The following SCN3B variants were observed in gnomAD, a reference collection of about 807,000 sequenced individuals.
The protein encoded by SCN3B is sodium voltage-gated channel beta subunit 3.
A neutral mutation model predicts 25.4 loss-of-function variants in SCN3B; 11 were observed. That is an observed-to-expected ratio of 0.43 (90% CI 0.27 to 0.72). The LOEUF (loss-of-function observed/expected upper bound fraction) is 0.72, where lower values mean the gene tolerates loss of function less well. Among genes scored for constraint, SCN3B ranks in the 30% least tolerant of loss-of-function variants. The probability of loss-of-function intolerance (pLI) is 0.18; values close to 1 mark genes in which losing one functional copy is unlikely to be tolerated. For missense variants in SCN3B, 218 were observed against 278.3 expected (o/e 0.78, Z 1.54); for synonymous variants, 109 against 110.7 (o/e 0.99, Z 0.09).
At chr11:123,653,607 C>T in intron 2 of SCN3B, 140 bp downstream of exon 2, 2 of 959,254 alleles carry the variant, frequency 2.1e-6, no homozygotes, top group Non-Finnish European at 3.4e-6. Context: ...CATGGAACCC[C>T]TGCCATCTCC....
At chr11:123,634,005 G>T in intron 6 of SCN3B, 116 bp downstream of exon 6, 1 of 780,164 alleles carries the variant, frequency 1.3e-6, no homozygotes. Context: ...ACCCCAGGCA[G>T]GGTAGACAGT....
In SCN3B at chr11:123,654,140, G is replaced by C. The variant is rs111341342; in HGVS notation, c.-26+86C>G. 6.8e-4 allele frequency: 305 copies of C among 448,680 alleles called. 2 individuals are homozygous for C. The highest frequency in any genetic ancestry group is 5.2e-3 in the African/African-American group (264 of 50,334). 27.8% of individuals were successfully genotyped at this position (448,680 alleles called of 1,614,324 possible). A position where few individuals can be genotyped will look rare whatever the true frequency, so the allele number is the denominator to read the frequency against. ...TTCCACTCGCGCCCCTGCCTCGCTC[G>C]TTTGCGCCCAGGGTAAGCTCAGCTC... On this transcript the variant is annotated intron_variant, in intron 1 of 6. Coordinates refer to ENST00000299333, the MANE Select transcript of SCN3B (RefSeq NM_001040151.2).
Position 123,642,387 on chromosome 11 carries a change from C to A in SCN3B, c.445+59G>T. ...GCCTCACTCGTGGAAAACTGCTGTC[C>A]TACCCTTCCCTGTCCACAGAGAGCA... On this transcript the variant is annotated intron_variant, in intron 4 of 6. Transcript: ENST00000299333. The surrounding 1 kb of genome is among the most constrained non-coding windows in gnomAD (Gnocchi z 4.3). 6.5e-7 allele frequency: 1 copy of A among 1,547,762 alleles called. No homozygotes were observed. Among genetic ancestry groups the A allele is most frequent in the Non-Finnish European group, 8.9e-7 (1 of 1,120,170 alleles).
Position 123,642,847 on chromosome 11 carries a change from G to T in SCN3B, c.220-176C>A, listed in dbSNP as rs1195087377. Among the ~76,000 whole-genome samples, 7 of 152,090 alleles carry T rather than the reference G, an allele frequency of 4.6e-5. No individual in the cohort carries two copies. The highest frequency in any genetic ancestry group is 2.9e-5 in the Non-Finnish European group (2 of 68,004). On this transcript the variant is annotated intron_variant, in intron 3 of 6. Coordinates refer to ENST00000299333, the MANE Select transcript of SCN3B (RefSeq NM_001040151.2). The surrounding 1 kb of genome is among the most constrained non-coding windows in gnomAD (Gnocchi z 4.3). Reference sequence around the variant, plus strand: ...GGTGGGATGAAGAGGCACAGAGGAGGGTAGGGAAGGGAGCAAAGACAGGGA... The same window carrying T: ...GGTGGGATGAAGAGGCACAGAGGAGTGTAGGGAAGGGAGCAAAGACAGGGA...
In SCN3B at chr11:123,631,135, G is replaced by T. The variant is rs531670105; in HGVS notation, c.*2664C>A. The T allele has an allele frequency of 6.6e-6, 1 of 152,314 alleles. No individual in the cohort carries two copies. The highest frequency in any genetic ancestry group is 2.4e-5 in the African/African-American group (1 of 41,566). The allele number at this position is 152,314 out of a possible 1,614,324, so 9.4% of individuals were successfully genotyped here. A position where few individuals can be genotyped will look rare whatever the true frequency, so the allele number is the denominator to read the frequency against. On this transcript the variant is annotated 3_prime_UTR_variant, in exon 7 of 7. Coordinates refer to ENST00000299333, the MANE Select transcript of SCN3B (RefSeq NM_001040151.2). ...AGAATGGAGAAGTTAGAAAAAGGAA[G>T]AGTGGGGAAGATAACCTGTCAAGGA...
intron 5 of SCN3B, among the ~76,000 whole-genome samples, chr11:123,637,071 G>T (rs1214394366): frequency 6.6e-6 from 1 of 152,190 alleles, no homozygotes; most frequent in Non-Finnish European, 1.5e-5. Context: ...AATGTTGCTA[G>T]AAATCTGTGG....
intron 2 of SCN3B, among the ~76,000 whole-genome samples, chr11:123,651,560 C>T (rs1201349368): frequency 2.6e-5 from 4 of 152,118 alleles, no homozygotes; most frequent in Non-Finnish European, 4.4e-5. Flanking sequence ...GATGGGGTTT[C>T]GCCGTGTTGG....
Position 123,642,597 on chromosome 11 carries a change from C to T in SCN3B, c.294G>A (p.Lys98=). ...FQGRLQWNGS[K]DLQDVSITVL... is the part of the protein sequence containing the mutation. ...CAGTGATGGACACGTCCTGCAGGTC[C>T]TTGCTGCCATTCCACTGCAGGCGCC... is the stretch of plus-strand genomic sequence containing the variant. The change falls in exon 4 of 7, where the codon AAG becomes AAA. Residue 98 remains lysine, a synonymous_variant. Coordinates refer to ENST00000299333, the MANE Select transcript of SCN3B (RefSeq NM_001040151.2). This position sits in a 1 kb window ranked among gnomAD's most constrained non-coding sequence, Gnocchi z 4.3. The T allele has an allele frequency of 6.2e-7, 1 of 1,614,208 alleles. No homozygotes were observed. Among genetic ancestry groups the T allele is most frequent in the Non-Finnish European group, 8.5e-7 (1 of 1,180,038 alleles).
At chr11:123,646,637 G>T (rs1386189353) in intron 2 of SCN3B, among the ~76,000 whole-genome samples, 1 of 152,152 alleles carries the variant, frequency 6.6e-6, no homozygotes, top group Non-Finnish European at 1.5e-5. Context: ...CCACACAGAG[G>T]TCTAAGACTT....
At chr11:123,647,849 T>C (rs1955871684) in intron 2 of SCN3B, among the ~76,000 whole-genome samples, 1 of 152,208 alleles carries the variant, frequency 6.6e-6, no homozygotes, top group Admixed American at 6.5e-5. Context: ...CAAGGTAAAA[T>C]AAATGTAATT....
Position 123,631,848 on chromosome 11 carries a change from A to C in SCN3B, c.*1951T>G, listed in dbSNP as rs1340489539. On this transcript the variant is annotated 3_prime_UTR_variant, in exon 7 of 7. Transcript: ENST00000299333. ...TGTCTCAAAAAAATAATAATAAATA[A>C]ATAAAAATTTAAAAGTCTGGTTTTA... 6 of 152,132 alleles carry C rather than the reference A, an allele frequency of 3.9e-5. No individual in the cohort carries two copies. The highest frequency in any genetic ancestry group is 8.8e-5 in the Non-Finnish European group (6 of 68,030). The allele number at this position is 152,132 out of a possible 1,614,324, so 9.4% of individuals were successfully genotyped here. A position where few individuals can be genotyped will look rare whatever the true frequency, so the allele number is the denominator to read the frequency against.
Position 123,650,783 on chromosome 11 carries a change from C to T in SCN3B, c.55+2964G>A, listed in dbSNP as rs187394358. 2.2e-3 allele frequency among the ~76,000 whole-genome samples: 337 copies of T among 152,134 alleles called. 1 individual carries two copies. Among genetic ancestry groups the T allele is most frequent in the African/African-American group, 7.4e-3 (305 of 41,478 alleles). ...TCTCTAGCAAGTCCTTTCCCTTCCC[C>T]GAGCTCATTTTCTCATCTCTAAACT... On this transcript the variant is annotated intron_variant, in intron 2 of 6. Transcript: ENST00000299333.
At chr11:123,644,796 AGAGAATATAT>A (rs1366895587) in intron 3 of SCN3B, among the ~76,000 whole-genome samples, 2,603 of 52,876 alleles carry the variant, frequency 0.049, 39 homozygotes, top group Non-Finnish European at 0.074. Flanking sequence ...AGAGAGAGAG[AGAGAATATAT>A]ATATATATAT....
chr11:123,633,987 G>T, intron 6 of SCN3B, 134 bp downstream of exon 6: 1 of 696,160 alleles, frequency 1.4e-6, no homozygotes, highest in Non-Finnish European at 2.6e-6. Context: ...ATTACCCTGA[G>T]GGCGGGGACC....
chr11:123,638,246 A>G lies in SCN3B; in HGVS notation c.524T>C (p.Ile175Thr). The G allele has an allele frequency of 6.2e-7, 1 of 1,614,174 alleles. No individual in the cohort carries two copies. The highest frequency in any genetic ancestry group is 1.7e-5 in the Admixed American group (1 of 60,020). ...CTTTCTGTAGCAATATATCATCTCG[A>G]TGAGCAGCCACAAGGTGAGGAAGAC... ...LLVFLTLWLL[I>T]EMIYCYRKVS... The change falls in exon 5 of 7, where the codon ATC becomes ACC. Residue 175 changes from isoleucine to threonine, a missense_variant. Transcript: ENST00000299333.
chr11:123,641,238 C>T (rs989947206), intron 4 of SCN3B: 4 of 152,502 alleles, frequency 2.6e-5, no homozygotes, highest in African/African-American at 4.8e-5. Context: ...CCGCCAACCC[C>T]TTCATTTCAC....
intron 3 of SCN3B, among the ~76,000 whole-genome samples, chr11:123,644,077 G>T (rs1955820721): frequency 6.6e-6 from 1 of 152,222 alleles, no homozygotes; most frequent in African/African-American, 2.4e-5. Flanking sequence ...CCCCAGGAAG[G>T]CAAAGCAGTG....
chr11:123,633,346 T>C lies in SCN3B; in HGVS notation c.*453A>G, dbSNP rs1190129770. The C allele has an allele frequency of 6.6e-6, 1 of 152,316 alleles. No homozygotes were observed. Among genetic ancestry groups the C allele is most frequent in the Admixed American group, 6.5e-5 (1 of 15,280 alleles). The allele number at this position is 152,316 out of a possible 1,614,324, so 9.4% of individuals were successfully genotyped here. Reference sequence around the variant, plus strand: ...CCAAGTTCATGACACACTTTTGCTTTAACCCGAACTAATCACTCCTGCTTC... The same window carrying C: ...CCAAGTTCATGACACACTTTTGCTTCAACCCGAACTAATCACTCCTGCTTC... On this transcript the variant is annotated 3_prime_UTR_variant, in exon 7 of 7. Coordinates refer to ENST00000299333, the MANE Select transcript of SCN3B (RefSeq NM_001040151.2).
chr11:123,639,827 C>CT (rs1955767174), intron 4 of SCN3B: 2 of 152,144 alleles, frequency 1.3e-5, no homozygotes, highest in African/African-American at 4.8e-5. Flanking sequence ...TCAATAAGTA[C>CT]TTATTGAATG....
Sources: gnomAD v4.1 joint callset for allele counts (sites outside exome capture counted in the v4.1 genomes callset) on GRCh38, gnomAD v4.1.1 for gene constraint, Gnocchi (gnomAD v3.1) non-coding constraint, MANE v1.5 for transcripts, NCBI Gene and HGNC (gene_info 2026-07-23, HGNC 2026-07-21) for gene names.